MAML2: variants seen among roughly 807,000 people sequenced by gnomAD.
MAML2 encodes the protein mastermind like transcriptional coactivator 2.
MAML2 carries 22 observed loss-of-function variants against 96.1 expected under a neutral mutation model. The observed-to-expected ratio is 0.23, with a 90% CI of 0.16 to 0.33. The LOEUF (loss-of-function observed/expected upper bound fraction) is 0.33, where lower values mean the gene tolerates loss of function less well. MAML2 is among the 10% of genes least tolerant of loss of function. The probability of loss-of-function intolerance (pLI) is 1.00; values close to 1 mark genes in which losing one functional copy is unlikely to be tolerated. For synonymous variants in MAML2, 561 were observed against 521.3 expected (o/e 1.08, Z -1.04); for missense variants, 1,367 against 1,392.4 (o/e 0.98, Z 0.29).
chr11:96,228,884 T>C (rs1400168991), intron 1 of MAML2, among the ~76,000 whole-genome samples: 2 of 152,170 alleles, frequency 1.3e-5, no homozygotes, highest in South Asian at 2.1e-4. Context: ...TTTACATATC[T>C]ATGTTCACGC....
chr11:96,176,038 T>C (rs929582739), intron 1 of MAML2, among the ~76,000 whole-genome samples: 2 of 152,218 alleles, frequency 1.3e-5, no homozygotes, highest in Admixed American at 6.5e-5. Flanking sequence ...GTTTAGAATA[T>C]GCAATCACTG....
At chr11:96,259,974 T>C (rs1750263887) in intron 1 of MAML2, among the ~76,000 whole-genome samples, 1 of 152,016 alleles carries the variant, frequency 6.6e-6, no homozygotes, top group Non-Finnish European at 1.5e-5. Context: ...CAGTATGTCC[T>C]GTTCTAATTT....
At chr11:96,327,717 C>T (rs1438722628) in intron 1 of MAML2, among the ~76,000 whole-genome samples, 1 of 152,044 alleles carries the variant, frequency 6.6e-6, no homozygotes, top group Admixed American at 6.6e-5. Context: ...CTGCGCCCGG[C>T]CCTTTCCCAT....
intron 1 of MAML2, among the ~76,000 whole-genome samples, chr11:96,226,233 T>G (rs1862208159): frequency 6.6e-6 from 1 of 152,176 alleles, no homozygotes; most frequent in Admixed American, 6.5e-5. Flanking sequence ...TTGGGTGGAA[T>G]TCAAGAAAAG....
chr11:96,283,850 A>AT (rs980837610), intron 1 of MAML2, among the ~76,000 whole-genome samples: 1 of 152,104 alleles, frequency 6.6e-6, no homozygotes, highest in African/African-American at 2.4e-5. Context: ...AAAATTTGAG[A>AT]TTTTTTGGTC....
chr11:96,186,692 C>A (rs1861580347), intron 1 of MAML2, among the ~76,000 whole-genome samples: 2 of 152,188 alleles, frequency 1.3e-5, no homozygotes, highest in African/African-American at 4.8e-5. Flanking sequence ...TTCACAACTC[C>A]ACTATGTAGG....
Position 96,274,704 on chromosome 11 carries a change from C to T in MAML2, c.513+66679G>A, listed in dbSNP as rs560163084. ...TGGAAAAATAAAACATAAGTTGAAA[C>T]AGATGCTGCTCATGAGCTATATAGC... is the stretch of plus-strand genomic sequence containing the variant. On this transcript the variant is annotated intron_variant, in intron 1 of 4. Transcript: ENST00000524717. 4.6e-5 allele frequency among the ~76,000 whole-genome samples: 7 copies of T among 152,186 alleles called. No individual in the cohort carries two copies. In the East Asian group the frequency reaches 1.3e-3, roughly 29 times the overall value.
Position 96,240,557 on chromosome 11 carries a change from C to CAACAAAAAAAAAAAAA in MAML2, c.513+100825_513+100826insTTTTTTTTTTTTTGTT, listed in dbSNP as rs568304250. Reference sequence around the variant, plus strand: ...TGGGCGACAGAGCGAGACTCCGTCTCAAAAAAAAAAAAAAAAAAAAAAAAA... The same window carrying CAACAAAAAAAAAAAAA: ...TGGGCGACAGAGCGAGACTCCGTCTCAACAAAAAAAAAAAAAAAAAAAAAAAAAAAAAAAAAAAAAA... On this transcript the variant is annotated intron_variant, in intron 1 of 4. Coordinates refer to ENST00000524717, the MANE Select transcript of MAML2 (RefSeq NM_032427.4). 8.0e-4 allele frequency among the ~76,000 whole-genome samples: 41 copies of CAACAAAAAAAAAAAAA among 51,092 alleles called. 4 individuals carry two copies. Among genetic ancestry groups the CAACAAAAAAAAAAAAA allele is most frequent in the South Asian group, 3.1e-3 (3 of 958 alleles). 33.5% of individuals were successfully genotyped at this position (51,092 alleles called of 152,430 possible).
chr11:96,282,727 A>G lies in MAML2; in HGVS notation c.513+58656T>C, dbSNP rs148839753. Among the ~76,000 whole-genome samples the G allele has an allele frequency of 1.6e-4, 24 of 152,352 alleles. No individual in the cohort carries two copies. In the East Asian group the frequency reaches 4.4e-3, roughly 28 times the overall value. ...TCCCTACAATCTCTAATCATGTTGA[A>G]TTTTATAATACAAGTTTAAATGACC... On this transcript the variant is annotated intron_variant, in intron 1 of 4. Transcript: ENST00000524717.
At chr11:96,297,746 A>C (rs1279898146) in intron 1 of MAML2, among the ~76,000 whole-genome samples, 1 of 152,208 alleles carries the variant, frequency 6.6e-6, no homozygotes, top group Non-Finnish European at 1.5e-5. Context: ...AGATTTTGTC[A>C]CACTTGATTT....
chr11:96,205,818 C>A (rs1861887942), intron 1 of MAML2, among the ~76,000 whole-genome samples: 1 of 152,202 alleles, frequency 6.6e-6, no homozygotes, highest in Non-Finnish European at 1.5e-5. Flanking sequence ...TCCATCCCTA[C>A]CTTCTTTGTT....
Position 96,329,312 on chromosome 11 carries a change from A to G in MAML2, c.513+12071T>C, listed in dbSNP as rs986575795. ...CCAGAGATGGAGTGATTTGTTCATT[A>G]CTTCTAGGAAGGGTATTCAACAATT... On this transcript the variant is annotated intron_variant, in intron 1 of 4. Coordinates refer to ENST00000524717, the MANE Select transcript of MAML2 (RefSeq NM_032427.4). Among the ~76,000 whole-genome samples, 9 of 152,308 alleles carry G rather than the reference A, an allele frequency of 5.9e-5. No homozygotes were observed. In the East Asian group the frequency reaches 1.5e-3, roughly 26 times the overall value.
intron 2 of MAML2, among the ~76,000 whole-genome samples, chr11:96,003,281 G>C (rs952709157): frequency 6.6e-6 from 1 of 152,060 alleles, no homozygotes; most frequent in Admixed American, 6.6e-5. Context: ...AGTTCTACTA[G>C]TATTAATACT....
rs146185838 is a variant in MAML2, at chr11:95,981,709, C to G, written c.2456-1746G>C. ...GGCAGTGTTTGATGAAGAGACATAA[C>G]AGCCAGGTAGGAGACACTTGAACAA... On this transcript the variant is annotated intron_variant, in intron 4 of 4. Transcript: ENST00000524717. Among the ~76,000 whole-genome samples the G allele has an allele frequency of 6.4e-3, 975 of 152,268 alleles. 29 individuals are homozygous for G. Among genetic ancestry groups the G allele is most frequent in the Admixed American group, 0.047 (713 of 15,288 alleles).
chr11:96,206,547 G>T (rs561624770), intron 1 of MAML2, among the ~76,000 whole-genome samples: 1 of 152,208 alleles, frequency 6.6e-6, no homozygotes, highest in African/African-American at 2.4e-5. Flanking sequence ...GCAGTGAGCC[G>T]AGATTGTACG....
intron 2 of MAML2, among the ~76,000 whole-genome samples, chr11:96,066,486 C>T (rs1156891288): frequency 6.6e-6 from 1 of 152,176 alleles, no homozygotes; most frequent in Non-Finnish European, 1.5e-5. Flanking sequence ...GGACAACACA[C>T]ACTTGGCCTT....
At chr11:96,151,318 T>C (rs1377825169) in intron 1 of MAML2, among the ~76,000 whole-genome samples, 1 of 152,252 alleles carries the variant, frequency 6.6e-6, no homozygotes, top group Non-Finnish European at 1.5e-5. Context: ...GCCTCTCCCA[T>C]CATTGGGCAT....
chr11:96,000,224 G>T (rs1459927021), intron 2 of MAML2, among the ~76,000 whole-genome samples: 1 of 152,166 alleles, frequency 6.6e-6, no homozygotes, highest in African/African-American at 2.4e-5. Flanking sequence ...AACAGAAAAG[G>T]CTGAAGGGAT....
intron 1 of MAML2, among the ~76,000 whole-genome samples, chr11:96,232,475 T>C (rs942194362): frequency 1.1e-4 from 16 of 151,866 alleles, no homozygotes; most frequent in African/African-American, 3.9e-4. Flanking sequence ...GAAGGCATTT[T>C]TTTTTTTTCT....
Sources: allele counts gnomAD v4.1 joint callset (sites outside exome capture counted in the v4.1 genomes callset), GRCh38; gene constraint gnomAD v4.1.1; transcripts MANE v1.5; gene names NCBI Gene and HGNC (gene_info 2026-07-23, HGNC 2026-07-21).